Variants in SPART observed in about 807,000 individuals in gnomAD.
SPART encodes spartin.
In SPART, 35 loss-of-function variants were observed where a neutral mutation model predicts 58.7. The observed-to-expected ratio is 0.60, with a 90% CI of 0.46 to 0.79. The LOEUF is 0.79. Among genes scored for constraint, SPART ranks in the 30% least tolerant of loss-of-function variants. The pLI, the probability that SPART is intolerant of heterozygous loss-of-function variation, is 0.00. For missense variants in SPART, 730 were observed against 786.1 expected, an observed-to-expected ratio of 0.93 and a Z score of 0.85; for synonymous variants, 284 against 280.7, an observed-to-expected ratio of 1.01 and a Z score of -0.12.
At chr13:36,306,345 T>G (rs1488475447) in intron 8 of SPART, among the ~76,000 whole-genome samples, 3 of 151,968 alleles carry the variant, frequency 2.0e-5, no homozygotes, top group African/African-American at 7.3e-5. Context: ...AATGGCTGTG[T>G]CTATACAAAA....
intron 5 of SPART, among the ~76,000 whole-genome samples, chr13:36,324,158 G>A (rs1358154779): frequency 6.6e-6 from 1 of 152,210 alleles, no homozygotes; most frequent in East Asian, 1.9e-4. Flanking sequence ...TCTTCCCAGA[G>A]GGAAGTGGGG....
At chr13:36,351,980 T>A (rs1349516872) in intron 1 of SPART, among the ~76,000 whole-genome samples, 1 of 152,178 alleles carries the variant, frequency 6.6e-6, no homozygotes, top group East Asian at 1.9e-4. Context: ...TCTCATGAAG[T>A]GAACTTAGGT....
At position 36,358,736 on chromosome 13, in the gene SPART, C is replaced by T. The variant is rs373719099; in HGVS notation, c.-3+11353G>A. ...GGCACTTCTTAAGCAGTCCTGGAGACGTGGAAATTAAAATGCTAAGAAAAT... is the reference window on the plus strand; with the variant it reads ...GGCACTTCTTAAGCAGTCCTGGAGATGTGGAAATTAAAATGCTAAGAAAAT... On this transcript the variant is annotated intron_variant, in intron 1 of 8. Transcript: ENST00000355182. Among the ~76,000 whole-genome samples, 3 of 152,186 alleles carry T rather than the reference C, an allele frequency of 2.0e-5. No homozygotes were observed. The South Asian group carries it at 6.2e-4, about 32-fold the overall frequency.
chr13:36,315,570 T>A (rs1451079261), intron 5 of SPART, among the ~76,000 whole-genome samples: 1 of 152,186 alleles, frequency 6.6e-6, no homozygotes, highest in Non-Finnish European at 1.5e-5. Context: ...TATGTTTCTC[T>A]TCCTGTTTTA....
At chr13:36,323,366 G>T (rs1397470099) in intron 5 of SPART, among the ~76,000 whole-genome samples, 3 of 152,154 alleles carry the variant, frequency 2.0e-5, no homozygotes, top group Non-Finnish European at 4.4e-5. Flanking sequence ...AGCTTACTAG[G>T]CTCTACTCGA....
rs956021462 is a variant in SPART at position 36,329,387 on chromosome 13, C to G, written c.1139G>C (p.Arg380Pro). 3.1e-6 allele frequency: 5 copies of G among 1,614,108 alleles called. No homozygotes were observed. Among genetic ancestry groups the G allele is most frequent in the Non-Finnish European group, 4.2e-6 (5 of 1,179,996 alleles). ...KQLDQGNKDV[R>P]HKGKRGKRAK... Reference sequence around the variant, plus strand: ...CCTTTTTCCACGTTTTCCTTTATGACGTACATCCTTATTGCCTTGGTCCAA... The same window carrying G: ...CCTTTTTCCACGTTTTCCTTTATGAGGTACATCCTTATTGCCTTGGTCCAA... The change falls in exon 4 of 9, where the codon CGT (arginine) becomes CCT (proline). Residue 380 changes from arginine to proline, a missense_variant. Coordinates refer to ENST00000438666, the MANE Select transcript of SPART (RefSeq NM_015087.5).
Position 36,335,397 on chromosome 13 carries a change from G to C in SPART, c.434C>G (p.Thr145Ser). Residue 145 changes from threonine to serine, a missense_variant, in exon 2 of 9, where the codon ACC becomes AGC. Physicochemically the swap from Thr to Ser is moderately conservative, Grantham distance 58. Coordinates refer to ENST00000438666, the MANE Select transcript of SPART (RefSeq NM_015087.5). ...APQHAEVNGN[T>S]STPSAGAVAA... is the part of the protein sequence containing the mutation. ...AACTGCCCCTGCACTTGGAGTTGAG[G>C]TGTTTCCATTTACTTCAGCATGCTG... 3 of 1,614,094 alleles carry C rather than the reference G, an allele frequency of 1.9e-6. No homozygotes were observed. The highest frequency in any genetic ancestry group is 2.2e-5 in the South Asian group (2 of 91,076).
intron 2 of SPART, 62 bp downstream of exon 2, chr13:36,334,959 C>T: frequency 7.3e-7 from 1 of 1,370,190 alleles, no homozygotes; most frequent in East Asian, 2.3e-5. Context: ...TAAACATTAA[C>T]AAATAAAAAT....
chr13:36,317,569 C>G (rs912407927), intron 5 of SPART, among the ~76,000 whole-genome samples: 1 of 151,718 alleles, frequency 6.6e-6, no homozygotes, highest in Admixed American at 6.6e-5. Context: ...TTTCTGCACC[C>G]CATCCCTTAT....
intron 8 of SPART, among the ~76,000 whole-genome samples, chr13:36,311,296 A>G (rs1374381507): frequency 6.6e-6 from 1 of 152,220 alleles, no homozygotes; most frequent in Non-Finnish European, 1.5e-5. Context: ...AAGGCCAAAT[A>G]AGAAAGCAAT....
chr13:36,364,828 C>T (rs141083257), intron 1 of SPART, among the ~76,000 whole-genome samples: 2 of 152,280 alleles, frequency 1.3e-5, no homozygotes, highest in East Asian at 3.9e-4. Flanking sequence ...CCACAGGGGC[C>T]TCATTACCTC....
chr13:36,320,532 T>C (rs1236303714), intron 5 of SPART, among the ~76,000 whole-genome samples: 8 of 152,152 alleles, frequency 5.3e-5, no homozygotes, highest in Non-Finnish European at 1.2e-4. Context: ...TTCCTTTCCA[T>C]CGTGGAAATC....
intron 5 of SPART, among the ~76,000 whole-genome samples, chr13:36,321,382 C>A (rs1011125530): frequency 1.3e-5 from 2 of 152,196 alleles, no homozygotes; most frequent in Non-Finnish European, 2.9e-5. Flanking sequence ...TCTCCTTAGG[C>A]GCTCTCTAAT....
chr13:36,321,853 C>T (rs1882438012), intron 5 of SPART, among the ~76,000 whole-genome samples: 1 of 152,108 alleles, frequency 6.6e-6, no homozygotes, highest in South Asian at 2.1e-4. Flanking sequence ...ATGCCCTGCC[C>T]CACCTTAACT....
intron 5 of SPART, chr13:36,325,808 A>G (rs1165396132): frequency 6.6e-6 from 1 of 152,252 alleles, no homozygotes; most frequent in Non-Finnish European, 1.5e-5. Flanking sequence ...GCATTGCTGT[A>G]TAGTTTATAC....
At chr13:36,350,377 T>A (rs1457244962), upstream of SPART, among the ~76,000 whole-genome samples, 1 of 152,252 alleles carries the variant, frequency 6.6e-6, no homozygotes, top group Non-Finnish European at 1.5e-5. Flanking sequence ...CATTTTCCAC[T>A]GGGCCATTCC....
chr13:36,337,216 A>G (rs1009714450), intron 1 of SPART, among the ~76,000 whole-genome samples: 3 of 152,234 alleles, frequency 2.0e-5, no homozygotes, highest in Non-Finnish European at 4.4e-5. Flanking sequence ...TAAATTGCAC[A>G]TTCTCAGTAT....
In SPART at chr13:36,302,688, A is replaced by G. The variant is rs912849191; in HGVS notation, c.*1677T>C. 1 of 152,190 alleles carries G rather than the reference A, an allele frequency of 6.6e-6. No individual in the cohort carries two copies. The highest frequency in any genetic ancestry group is 6.6e-5 in the Admixed American group (1 of 15,262). The allele number at this position is 152,190 out of a possible 1,614,324, so 9.4% of individuals were successfully genotyped here. On this transcript the variant is annotated 3_prime_UTR_variant, in exon 9 of 9. Coordinates refer to ENST00000438666, the MANE Select transcript of SPART (RefSeq NM_015087.5). Reference sequence around the variant, plus strand: ...TTTTGATACAGGTATGCGATTTATAATAATTACATCAGGGTGTATCTACTG... The same window carrying G: ...TTTTGATACAGGTATGCGATTTATAGTAATTACATCAGGGTGTATCTACTG...
At position 36,321,848 on chromosome 13, in the gene SPART, C is replaced by T. The variant is rs544702429; in HGVS notation, c.1288+4727G>A. Reference sequence around the variant, plus strand: ...GAATCACAAAAGAAGTGAATATGCCCTGCCCCACCTTAACTGATGACATTC... The same window carrying T: ...GAATCACAAAAGAAGTGAATATGCCTTGCCCCACCTTAACTGATGACATTC... On this transcript the variant is annotated intron_variant, in intron 5 of 8. Coordinates refer to ENST00000438666, the MANE Select transcript of SPART (RefSeq NM_015087.5). 1.7e-4 allele frequency among the ~76,000 whole-genome samples: 26 copies of T among 152,282 alleles called. No individual in the cohort carries two copies. In the East Asian group the frequency reaches 4.4e-3, roughly 26 times the overall value.
Sources: allele counts gnomAD v4.1 joint callset (sites outside exome capture counted in the v4.1 genomes callset), GRCh38; gene constraint gnomAD v4.1.1; transcripts MANE v1.5; gene names NCBI Gene and HGNC (gene_info 2026-07-23, HGNC 2026-07-21).